Variants in FAM193A observed in about 807,000 individuals in gnomAD.
The protein encoded by FAM193A is protein FAM193A.
A neutral mutation model predicts 126.5 loss-of-function variants in FAM193A; 22 were observed. The ratio of observed to expected loss-of-function variants is 0.17; its 90% CI spans 0.12 to 0.25. The LOEUF (loss-of-function observed/expected upper bound fraction) is 0.25, where lower values mean the gene tolerates loss of function less well. Among genes scored for constraint, FAM193A ranks in the 10% least tolerant of loss-of-function variants. The pLI is 1.00. For synonymous variants in FAM193A, 761 were observed against 646.8 expected (o/e 1.18, Z -2.68); for missense variants, 1,675 against 1,672.8 (o/e 1.00, Z -0.02).
chr4:2,596,269 C>T lies in FAM193A; in HGVS notation c.441C>T (p.Cys147=). The part of the protein sequence containing the change: ...NSVLHLPLWV[C]PDCRRTVEKE... ...TGCTGCACCTGCCACTGTGGGTGTG[C>T]CCGGACTGCCGCAGGACCGTGGAGA... Residue 147 remains cysteine (C), a synonymous_variant, in exon 2 of 21, where the codon TGC becomes TGT. Transcript: ENST00000637812. The T allele has an allele frequency of 1.4e-6, 1 of 703,032 alleles. No homozygotes were observed. Among genetic ancestry groups the T allele is most frequent in the Non-Finnish European group, 2.6e-6 (1 of 385,012 alleles). 43.5% of individuals were successfully genotyped at this position (703,032 alleles called of 1,614,324 possible). A position where few individuals can be genotyped will look rare whatever the true frequency, so the allele number is the denominator to read the frequency against.
intron 1 of FAM193A, among the ~76,000 whole-genome samples, chr4:2,561,504 T>A (rs553688001): frequency 6.7e-6 from 1 of 148,292 alleles, no homozygotes; most frequent in East Asian, 2.0e-4. Context: ...TTTCTTTTTT[T>A]TTTTTTTTTT....
intron 19 of FAM193A, among the ~76,000 whole-genome samples, chr4:2,709,554 C>G (rs1440123240): frequency 6.6e-6 from 1 of 152,080 alleles, no homozygotes; most frequent in African/African-American, 2.4e-5. Context: ...ACTAAAAATA[C>G]AAAAATTTGC....
At chr4:2,680,162 A>G (rs1011987163) in intron 13 of FAM193A, among the ~76,000 whole-genome samples, 10 of 152,112 alleles carry the variant, frequency 6.6e-5, no homozygotes, top group African/African-American at 1.2e-4. Context: ...CGCCCAGCCT[A>G]TTGGGTGGTT....
chr4:2,664,676 G>T (rs1306480862), intron 12 of FAM193A, among the ~76,000 whole-genome samples: 2 of 139,370 alleles, frequency 1.4e-5, no homozygotes, highest in Non-Finnish European at 3.0e-5. Context: ...AAGCAATTCT[G>T]CCTCAGCCTC....
chr4:2,643,546 T>TC (rs1491332434), intron 6 of FAM193A, among the ~76,000 whole-genome samples: 2 of 43,540 alleles, frequency 4.6e-5, no homozygotes, highest in Non-Finnish European at 7.4e-5. Flanking sequence ...ACAGTAACTC[T>TC]ACCATTAAAC....
chr4:2,637,632 C>G (rs1744217734), intron 5 of FAM193A, among the ~76,000 whole-genome samples: 1 of 152,234 alleles, frequency 6.6e-6, no homozygotes, highest in Non-Finnish European at 1.5e-5. Flanking sequence ...CTTTCTGCCT[C>G]TAGCTCAGCA....
At chr4:2,564,322 A>G (rs1738802730) in intron 1 of FAM193A, among the ~76,000 whole-genome samples, 1 of 151,984 alleles carries the variant, frequency 6.6e-6, no homozygotes, top group African/African-American at 2.4e-5. Context: ...GGGTCGAGTA[A>G]TTCTCCTGCC....
At chr4:2,545,321 T>G (rs1737480316) in intron 1 of FAM193A, among the ~76,000 whole-genome samples, 1 of 152,142 alleles carries the variant, frequency 6.6e-6, no homozygotes, top group Non-Finnish European at 1.5e-5. Flanking sequence ...GAACAAGAAT[T>G]TTTGTGCTAG....
chr4:2,575,333 G>A (rs1398516835), intron 1 of FAM193A, among the ~76,000 whole-genome samples: 1 of 152,172 alleles, frequency 6.6e-6, no homozygotes, highest in Non-Finnish European at 1.5e-5. Context: ...GAATAGTGGC[G>A]CTCAGTCAGG....
chr4:2,683,324 T>C (rs1253909232), intron 13 of FAM193A, among the ~76,000 whole-genome samples: 1 of 151,962 alleles, frequency 6.6e-6, no homozygotes, highest in Non-Finnish European at 1.5e-5. Context: ...AGACAGAGTC[T>C]TGCTCAGCCG....
intron 20 of FAM193A, among the ~76,000 whole-genome samples, chr4:2,730,692 GAAA>G (rs370359383): frequency 9.8e-5 from 13 of 132,986 alleles, no homozygotes; most frequent in African/African-American, 2.8e-4. Flanking sequence ...TCCGTGTCAA[GAAA>G]AAAAAAAAAG....
intron 19 of FAM193A, among the ~76,000 whole-genome samples, chr4:2,710,175 TTC>T (rs1553914638): frequency 4.0e-5 from 5 of 125,892 alleles, no homozygotes; most frequent in Non-Finnish European, 6.6e-5. Context: ...TTTTTTTTTT[TTC>T]TTTTTTTTTT....
At chr4:2,599,420 T>C (rs1741063610) in intron 2 of FAM193A, among the ~76,000 whole-genome samples, 1 of 152,140 alleles carries the variant, frequency 6.6e-6, no homozygotes, top group Non-Finnish European at 1.5e-5. Context: ...TGGTCAGGGC[T>C]CTGGTCAGGG....
intron 13 of FAM193A, among the ~76,000 whole-genome samples, chr4:2,688,183 G>A (rs1715961756): frequency 6.6e-6 from 1 of 152,128 alleles, no homozygotes; most frequent in Admixed American, 6.5e-5. Flanking sequence ...CCAGGACCCA[G>A]ATGTCCCACC....
At chr4:2,699,410 C>G (rs1238844097) in intron 18 of FAM193A, among the ~76,000 whole-genome samples, 1 of 144,824 alleles carries the variant, frequency 6.9e-6, no homozygotes, top group African/African-American at 2.6e-5. Context: ...AGGTCAAAGG[C>G]TATCGGGAAT....
Position 2,631,182 on chromosome 4 carries a change from ACGTGTTTTTCTTTCTGTTT to A in FAM193A, c.1038+14_1038+32del. The stretch of plus-strand genomic sequence containing the variant: ...CCTTGGCACTCTGGTAAGAGAGAAA[ACGTGTTTTTCTTTCTGTTT>A]GGATGAGCTGAAGAGAAGCATGTGG... On this transcript the variant is annotated intron_variant, in intron 5 of 20. Transcript: ENST00000637812. 6.3e-7 allele frequency: 1 copy of A among 1,589,644 alleles called. No individual in the cohort carries two copies. Among genetic ancestry groups the A allele is most frequent in the Non-Finnish European group, 8.6e-7 (1 of 1,165,626 alleles).
intron 1 of FAM193A, among the ~76,000 whole-genome samples, chr4:2,560,400 C>T (rs997795170): frequency 2.0e-4 from 30 of 152,142 alleles, no homozygotes; most frequent in African/African-American, 6.5e-4. Flanking sequence ...TGTCCTGGCT[C>T]GGCCACACCA....
At chr4:2,575,692 C>G (rs2108867793) in intron 1 of FAM193A, among the ~76,000 whole-genome samples, 1 of 152,156 alleles carries the variant, frequency 6.6e-6, no homozygotes, top group Non-Finnish European at 1.5e-5. Context: ...GTCTTGAACT[C>G]CTGACCTCAG....
intron 2 of FAM193A, among the ~76,000 whole-genome samples, chr4:2,616,774 G>A (rs1669356376): frequency 1.3e-5 from 2 of 151,536 alleles, no homozygotes; most frequent in Admixed American, 6.6e-5. Context: ...CATGTTATTA[G>A]CCAGGATGGT....
Sources: gnomAD v4.1 joint callset for allele counts (sites outside exome capture counted in the v4.1 genomes callset) on GRCh38, gnomAD v4.1.1 for gene constraint, MANE v1.5 for transcripts, NCBI Gene and HGNC (gene_info 2026-07-23, HGNC 2026-07-21) for gene names.